The following ELL variants were observed in gnomAD, a reference collection of about 807,000 sequenced individuals.
ELL encodes the protein RNA polymerase II elongation factor ELL.
ELL carries 18 observed loss-of-function variants against 64.0 expected under a neutral mutation model. The observed-to-expected ratio is 0.28, with a 90% CI of 0.19 to 0.42. The LOEUF is 0.42. Among genes scored for constraint, ELL ranks in the 10% least tolerant of loss-of-function variants. ELL has a pLI of 1.00. For missense variants in ELL, 797 were observed against 870.4 expected (o/e 0.92, Z 1.06); for synonymous variants, 399 against 376.2 (o/e 1.06, Z -0.70).
intron 10 of ELL, 122 bp from the exon 11 acceptor site, chr19:18,445,390 G>A (rs1329846806): frequency 8.5e-6 from 9 of 1,057,562 alleles, no homozygotes; most frequent in Admixed American, 1.7e-5. Context: ...TCAAGGACAA[G>A]GCCAAGTAAC....
chr19:18,477,674 A>T (rs1975207383), intron 1 of ELL, among the ~76,000 whole-genome samples: 1 of 152,090 alleles, frequency 6.6e-6, no homozygotes, highest in Admixed American at 6.5e-5. Flanking sequence ...GTGAAAAGAG[A>T]AAGGGAAATA....
intron 1 of ELL, 123 bp from the exon 2 acceptor site, chr19:18,473,005 G>A: frequency 8.6e-7 from 1 of 1,163,324 alleles, no homozygotes; most frequent in East Asian, 2.6e-5. Flanking sequence ...CAGGAGAGGG[G>A]AAAGGAAATG....
chr19:18,518,924 T>G lies in ELL; in HGVS notation c.135+2997A>C, dbSNP rs943057927. Among the ~76,000 whole-genome samples, 4 of 152,208 alleles carry G rather than the reference T, an allele frequency of 2.6e-5. No homozygotes were observed. The East Asian group carries it at 7.7e-4, about 29-fold the overall frequency. On this transcript the variant is annotated intron_variant, in intron 1 of 11. Coordinates refer to ENST00000262809, the MANE Select transcript of ELL (RefSeq NM_006532.4). ...CTACCAGGTCAACACCAGAGCCCTC[T>G]GGGGAGAGAAAACAGGAGGGCTTCT...
intron 8 of ELL, among the ~76,000 whole-genome samples, chr19:18,447,165 G>T (rs757801248): frequency 1.3e-5 from 2 of 152,228 alleles, no homozygotes; most frequent in South Asian, 2.1e-4. Flanking sequence ...CTGCACAACC[G>T]GTCAGAGCTT....
intron 1 of ELL, among the ~76,000 whole-genome samples, chr19:18,496,555 CAT>C (rs1975657692): frequency 6.6e-6 from 1 of 150,958 alleles, no homozygotes; most frequent in South Asian, 2.1e-4. Context: ...TTATTAGAAA[CAT>C]ATAGTTTGGC....
At chr19:18,509,588 C>T (rs567997608) in intron 1 of ELL, among the ~76,000 whole-genome samples, 8 of 118,822 alleles carry the variant, frequency 6.7e-5, no homozygotes, top group South Asian at 2.7e-4. Flanking sequence ...CACGTGCGCG[C>T]GCGCGCACAT....
chr19:18,468,288 C>T (rs1302642910), intron 2 of ELL, among the ~76,000 whole-genome samples: 1 of 152,080 alleles, frequency 6.6e-6, no homozygotes, highest in African/African-American at 2.4e-5. Flanking sequence ...CACACACAAA[C>T]AACCACACAC....
intron 6 of ELL, among the ~76,000 whole-genome samples, chr19:18,453,621 A>G (rs1974589632): frequency 6.6e-6 from 1 of 152,250 alleles, no homozygotes; most frequent in African/African-American, 2.4e-5. Flanking sequence ...CTCTAATCCC[A>G]GTCACAGCTC....
At chr19:18,477,570 GCCGACACTGCACATCAGGAGCCAGCC>G (rs754014301) in intron 1 of ELL, among the ~76,000 whole-genome samples, 4 of 152,206 alleles carry the variant, frequency 2.6e-5, no homozygotes, top group Non-Finnish European at 4.4e-5. Context: ...GTGCCGAGGT[GCCGACACTGCACATCAGGAGCCAGCC>G]CCGACACTGG....
At position 18,443,627 on chromosome 19, in the gene ELL, T is replaced by TG. The variant is rs1974341752; in HGVS notation, c.*1124dup. On this transcript the variant is annotated 3_prime_UTR_variant, in exon 12 of 12. Transcript: ENST00000262809. ...ACACTTGCGTGGCCCCCCGATGCTT[T>TG]GGGGGACACTAGACTAGGCACAGCA... The TG allele has an allele frequency of 8.6e-6, 2 of 233,238 alleles. No individual in the cohort carries two copies. Among genetic ancestry groups the TG allele is most frequent in the African/African-American group, 2.2e-5 (1 of 45,304 alleles). 14.4% of individuals were successfully genotyped at this position (233,238 alleles called of 1,614,324 possible). A position where few individuals can be genotyped will look rare whatever the true frequency, so the allele number is the denominator to read the frequency against.
intron 5 of ELL, among the ~76,000 whole-genome samples, chr19:18,461,162 G>C (rs150159284): frequency 1.6e-4 from 24 of 152,364 alleles, no homozygotes; most frequent in African/African-American, 5.8e-4. Context: ...GGCGCAGGTG[G>C]AGGGCGGCAG....
chr19:18,447,220 G>A (rs1974434913), intron 8 of ELL, among the ~76,000 whole-genome samples: 2 of 152,362 alleles, frequency 1.3e-5, no homozygotes, highest in Admixed American at 1.3e-4. Flanking sequence ...GCATGTCAAA[G>A]GTCACTAAGC....
rs1238696362 is a variant in ELL, at chr19:18,445,899, G to C, written c.1704+410C>G. ...GTCACCTCCCCCTGCTATAGTTGTG[G>C]CAGCATGGATGGGCCCCAGGGTGCT... On this transcript the variant is annotated intron_variant, in intron 10 of 11. Transcript: ENST00000262809. Among the ~76,000 whole-genome samples, 4 of 152,212 alleles carry C rather than the reference G, an allele frequency of 2.6e-5. No homozygotes were observed. In the East Asian group the frequency reaches 7.7e-4, roughly 29 times the overall value.
chr19:18,481,443 A>G (rs573858334), intron 1 of ELL, among the ~76,000 whole-genome samples: 1 of 151,860 alleles, frequency 6.6e-6, no homozygotes, highest in Admixed American at 6.6e-5. Context: ...GCATCACCCT[A>G]ATCTCTGCCC....
chr19:18,488,743 G>A (rs1392099969), intron 1 of ELL, among the ~76,000 whole-genome samples: 2 of 151,768 alleles, frequency 1.3e-5, no homozygotes, highest in Admixed American at 1.3e-4. Flanking sequence ...TTAAGCAAAG[G>A]AGGAGACTGA....
intron 1 of ELL, among the ~76,000 whole-genome samples, chr19:18,480,819 A>G (rs1975284108): frequency 6.6e-6 from 1 of 151,940 alleles, no homozygotes; most frequent in African/African-American, 2.4e-5. Context: ...TTTTCTGTAG[A>G]GATAGGGTTT....
chr19:18,474,697 G>C (rs1975141253), intron 1 of ELL, among the ~76,000 whole-genome samples: 1 of 152,246 alleles, frequency 6.6e-6, no homozygotes, highest in Non-Finnish European at 1.5e-5. Flanking sequence ...GGCTCGTCTA[G>C]AGCAGCTCAG....
At chr19:18,492,976 C>T (rs1975564022) in intron 1 of ELL, among the ~76,000 whole-genome samples, 1 of 152,080 alleles carries the variant, frequency 6.6e-6, no homozygotes, top group Admixed American at 6.5e-5. Context: ...AAATGAAAAG[C>T]CATTTCATTT....
intron 1 of ELL, among the ~76,000 whole-genome samples, chr19:18,495,265 G>T (rs1054176886): frequency 5.9e-5 from 9 of 152,258 alleles, no homozygotes; most frequent in Non-Finnish European, 4.4e-5. Flanking sequence ...GTGGAGGAGT[G>T]GGGAGGGTCA....
Sources: gnomAD v4.1 joint callset for allele counts (sites outside exome capture counted in the v4.1 genomes callset) on GRCh38, gnomAD v4.1.1 for gene constraint, MANE v1.5 for transcripts, NCBI Gene and HGNC (gene_info 2026-07-23, HGNC 2026-07-21) for gene names.